Variants in FSTL1 observed in about 807,000 individuals in gnomAD.
The protein encoded by FSTL1 is follistatin like 1.
Under a neutral mutation model 45.9 loss-of-function variants are expected in FSTL1, and 24 were observed. The observed-to-expected ratio is 0.52, with a 90% CI of 0.38 to 0.74. FSTL1 has a LOEUF of 0.74. FSTL1 is among the 30% of genes least tolerant of loss of function. The pLI is 0.00. For synonymous variants in FSTL1, 120 were observed against 137.6 expected, an observed-to-expected ratio of 0.87 and a Z score of 0.89; for missense variants, 340 against 381.8, an observed-to-expected ratio of 0.89 and a Z score of 0.91.
intron 6 of FSTL1, among the ~76,000 whole-genome samples, chr3:120,406,225 T>TGAC (rs1277237159): frequency 6.6e-6 from 1 of 152,178 alleles, no homozygotes; most frequent in Non-Finnish European, 1.5e-5. Flanking sequence ...CAATTTTCCC[T>TGAC]GACGAAACTT....
At chr3:120,442,195 C>T (rs900453784) in intron 2 of FSTL1, among the ~76,000 whole-genome samples, 1 of 152,138 alleles carries the variant, frequency 6.6e-6, no homozygotes, top group Non-Finnish European at 1.5e-5. Context: ...AAGATCTAAT[C>T]GAGTAGACAG....
intron 6 of FSTL1, among the ~76,000 whole-genome samples, chr3:120,406,803 C>T (rs1936956538): frequency 6.6e-6 from 1 of 152,026 alleles, no homozygotes; most frequent in Non-Finnish European, 1.5e-5. Context: ...TGCCTCTTTC[C>T]CCAGCTCTAT....
At chr3:120,437,005 T>C (rs1324106091) in intron 2 of FSTL1, among the ~76,000 whole-genome samples, 3 of 152,118 alleles carry the variant, frequency 2.0e-5, no homozygotes, top group Non-Finnish European at 2.9e-5. Flanking sequence ...GAGTCTTTGC[T>C]CAGGGTGAGC....
At chr3:120,414,118 T>A (rs1447132914) in intron 3 of FSTL1, among the ~76,000 whole-genome samples, 1 of 151,974 alleles carries the variant, frequency 6.6e-6, no homozygotes, top group Non-Finnish European at 1.5e-5. Flanking sequence ...AGTGGCGTGA[T>A]CTCGGCTCGC....
At chr3:120,425,076 G>A (rs561973113) in intron 2 of FSTL1, among the ~76,000 whole-genome samples, 1 of 152,214 alleles carries the variant, frequency 6.6e-6, no homozygotes, top group Admixed American at 6.5e-5. Flanking sequence ...CCCACAAGGG[G>A]TCTCTGTGCA....
chr3:120,447,898 G>A (rs908991906), intron 2 of FSTL1, among the ~76,000 whole-genome samples: 3 of 152,144 alleles, frequency 2.0e-5, no homozygotes, highest in South Asian at 2.1e-4. Flanking sequence ...CAGTCCTCCC[G>A]TCTTGGCCTC....
At chr3:120,437,896 G>C (rs553660870) in intron 2 of FSTL1, among the ~76,000 whole-genome samples, 1 of 152,116 alleles carries the variant, frequency 6.6e-6, no homozygotes, top group South Asian at 2.1e-4. Context: ...CAAGTCACTT[G>C]ATTTAACCAT....
intron 2 of FSTL1, among the ~76,000 whole-genome samples, chr3:120,448,270 T>C (rs141731547): frequency 7.4e-4 from 113 of 152,338 alleles, no homozygotes; most frequent in African/African-American, 2.6e-3. Flanking sequence ...CTAAAATAGA[T>C]TGTCACTAAG....
chr3:120,398,201 A>G (rs1047754732), intron 10 of FSTL1, among the ~76,000 whole-genome samples: 2 of 152,236 alleles, frequency 1.3e-5, no homozygotes, highest in Non-Finnish European at 2.9e-5. Context: ...TTAGGAATAT[A>G]CACTTTAAAG....
intron 7 of FSTL1, 140 bp from the exon 8 acceptor site, chr3:120,403,494 T>A: frequency 1.7e-6 from 1 of 598,454 alleles, no homozygotes; most frequent in South Asian, 2.0e-5. Flanking sequence ...AGCCTCTCTC[T>A]ACACTGACCC....
chr3:120,399,350 G>A (rs1187978830), intron 10 of FSTL1, among the ~76,000 whole-genome samples: 1 of 152,182 alleles, frequency 6.6e-6, no homozygotes, highest in African/African-American at 2.4e-5. Context: ...TCTCTGGGAA[G>A]GAGACTCTTT....
intron 2 of FSTL1, among the ~76,000 whole-genome samples, chr3:120,440,271 T>C (rs955545194): frequency 4.8e-4 from 73 of 152,252 alleles, no homozygotes; most frequent in Non-Finnish European, 2.5e-4. Flanking sequence ...GCCATGTCTA[T>C]GTGGCCAGAA....
chr3:120,421,013 C>T (rs954298901), intron 2 of FSTL1, among the ~76,000 whole-genome samples: 7 of 152,178 alleles, frequency 4.6e-5, no homozygotes, highest in Non-Finnish European at 7.3e-5. Flanking sequence ...ATTTGCAAAA[C>T]TACCAGTAGA....
intron 9 of FSTL1, among the ~76,000 whole-genome samples, chr3:120,402,241 CT>C (rs1211720509): frequency 1.3e-5 from 2 of 152,140 alleles, no homozygotes; most frequent in African/African-American, 4.8e-5. Context: ...AACATATTTT[CT>C]TTTTCTGCTG....
chr3:120,415,892 C>T (rs1937179032), intron 3 of FSTL1, 31 bp downstream of exon 3: 1 of 1,399,082 alleles, frequency 7.1e-7, no homozygotes, highest in Non-Finnish European at 1.0e-6. Context: ...GCCTTGGCCA[C>T]TGTCCTCTGG....
chr3:120,431,614 G>A (rs1937479741), intron 2 of FSTL1, among the ~76,000 whole-genome samples: 2 of 151,968 alleles, frequency 1.3e-5, no homozygotes, highest in Admixed American at 1.3e-4. Flanking sequence ...CTTGAGGCCA[G>A]GAGTTTGAGA....
intron 7 of FSTL1, among the ~76,000 whole-genome samples, chr3:120,403,607 T>A (rs527859742): frequency 4.6e-5 from 7 of 152,260 alleles, no homozygotes; most frequent in East Asian, 1.9e-4. Context: ...CCCCTTAAGA[T>A]GACTAAAGTT....
chr3:120,419,977 A>G (rs945843638), intron 2 of FSTL1, among the ~76,000 whole-genome samples: 4 of 152,202 alleles, frequency 2.6e-5, no homozygotes, highest in African/African-American at 7.2e-5. Context: ...GAGAGTCAGG[A>G]AAGCTCTGTG....
intron 2 of FSTL1, among the ~76,000 whole-genome samples, chr3:120,444,238 A>T (rs1937688467): frequency 6.7e-6 from 1 of 149,826 alleles, no homozygotes; most frequent in African/African-American, 2.6e-5. Flanking sequence ...TCTTCTAATT[A>T]TCTTAATTTT....
Sources: allele counts gnomAD v4.1 joint callset (sites outside exome capture counted in the v4.1 genomes callset), GRCh38; gene constraint gnomAD v4.1.1; transcripts MANE v1.5; gene names NCBI Gene and HGNC (gene_info 2026-07-23, HGNC 2026-07-21).